Variants in ARHGEF7 observed in about 807,000 individuals in gnomAD.
ARHGEF7 encodes the protein PAK-interacting exchange factor beta.
Under a neutral mutation model 109.8 loss-of-function variants are expected in ARHGEF7, and 33 were observed. The ratio of observed to expected loss-of-function variants is 0.30; its 90% CI spans 0.23 to 0.40. The LOEUF (loss-of-function observed/expected upper bound fraction) is 0.40. ARHGEF7 is among the 10% of genes least tolerant of loss of function. The pLI, the probability that ARHGEF7 is intolerant of heterozygous loss-of-function variation, is 1.00. For missense variants in ARHGEF7, 938 were observed against 1,098.5 expected (o/e 0.85, Z 2.07); for synonymous variants, 458 against 424.6 (o/e 1.08, Z -0.97).
intron 18 of ARHGEF7, among the ~76,000 whole-genome samples, chr13:111,288,665 A>AT (rs11423434): frequency 0.33 from 49,770 of 152,016 alleles, 8,763 homozygotes; most frequent in Non-Finnish European, 0.4. Context: ...TTGCTGTGTG[A>AT]TTTTCTAGAT....
chr13:111,223,978 TC>T (rs1241591790), intron 5 of ARHGEF7, among the ~76,000 whole-genome samples: 2 of 151,582 alleles, frequency 1.3e-5, no homozygotes, highest in Non-Finnish European at 2.9e-5. Flanking sequence ...TACCCCAGCC[TC>T]CCAAGTAGCT....
intron 5 of ARHGEF7, among the ~76,000 whole-genome samples, chr13:111,227,162 G>C (rs984353737): frequency 6.6e-6 from 1 of 152,212 alleles, no homozygotes; most frequent in Non-Finnish European, 1.5e-5. Flanking sequence ...CTGAAGTGCC[G>C]TGAACATTGT....
rs145950688 is a variant in ARHGEF7 at position 111,148,436 on chromosome 13, G to A, written c.166-5469G>A. ...TGTTCTTTGACCTAGCTTGCTACAG[G>A]TACCCATGTACATGTACAGAAATAT... On this transcript the variant is annotated intron_variant, in intron 1 of 21. Coordinates refer to ENST00000646102, the MANE Select transcript of ARHGEF7 (RefSeq NM_001354046.2). Among the ~76,000 whole-genome samples the A allele has an allele frequency of 1.0e-3, 152 of 152,304 alleles. 2 individuals carry two copies. The East Asian group carries it at 0.025, about 25-fold the overall frequency.
rs1260896120 is a variant in ARHGEF7, at chr13:111,258,151, C to CA, written c.951-9396dup. ...CCACAGGCAGTGCAGCCTGCAGCTC[C>CA]AGGAGAGACTCCTCCCACAACCACA... On this transcript the variant is annotated intron_variant, in intron 8 of 21. Transcript: ENST00000646102. This position sits in a 1 kb window ranked among gnomAD's most constrained non-coding sequence, Gnocchi z 4.4. Among the ~76,000 whole-genome samples, 2 of 152,098 alleles carry CA rather than the reference C, an allele frequency of 1.3e-5. No individual in the cohort carries two copies. Among genetic ancestry groups the CA allele is most frequent in the Non-Finnish European group, 2.9e-5 (2 of 67,998 alleles).
intron 19 of ARHGEF7, chr13:111,293,161 T>C: frequency 1.0e-6 from 1 of 985,432 alleles, no homozygotes; most frequent in Non-Finnish European, 1.2e-6. Flanking sequence ...AGCTGAAGCA[T>C]TCAGCCTCTG....
intron 2 of ARHGEF7, chr13:111,182,520 T>C (rs1359379779): frequency 6.6e-6 from 1 of 152,354 alleles, no homozygotes; most frequent in Non-Finnish European, 1.5e-5. Flanking sequence ...TGGCTGGGCC[T>C]CTTAACAATG....
At chr13:111,180,315 G>A (rs1056454057) in intron 2 of ARHGEF7, among the ~76,000 whole-genome samples, 4 of 152,190 alleles carry the variant, frequency 2.6e-5, no homozygotes, top group Admixed American at 1.3e-4. Context: ...CAAAAAATCA[G>A]TCTTTGACTC....
intron 8 of ARHGEF7, among the ~76,000 whole-genome samples, chr13:111,257,960 G>T (rs1356391289): frequency 6.6e-6 from 1 of 152,224 alleles, no homozygotes; most frequent in African/African-American, 2.4e-5. Flanking sequence ...AAAATGACCT[G>T]GGGTTCTAAA....
intron 2 of ARHGEF7, among the ~76,000 whole-genome samples, chr13:111,176,456 C>G (rs1365131287): frequency 6.6e-6 from 1 of 152,208 alleles, no homozygotes; most frequent in African/African-American, 2.4e-5. Flanking sequence ...GCCCCTGGAA[C>G]TTGTGTTTTG....
chr13:111,291,771 A>G (rs552436910), intron 18 of ARHGEF7, among the ~76,000 whole-genome samples: 33 of 152,362 alleles, frequency 2.2e-4, no homozygotes, highest in African/African-American at 7.0e-4. Flanking sequence ...CCACATGTCT[A>G]TAGAATAATC....
At chr13:111,173,739 A>G (rs1049908039) in intron 2 of ARHGEF7, among the ~76,000 whole-genome samples, 2 of 145,114 alleles carry the variant, frequency 1.4e-5, no homozygotes, top group African/African-American at 2.5e-5. Flanking sequence ...TTGAATGGAG[A>G]TGTCTCGTGT....
At chr13:111,218,397 T>G (rs1024255286) in intron 5 of ARHGEF7, among the ~76,000 whole-genome samples, 2 of 152,162 alleles carry the variant, frequency 1.3e-5, no homozygotes, top group Non-Finnish European at 2.9e-5. Context: ...TGTGTTCTTA[T>G]GAAAGAATAG....
intron 13 of ARHGEF7, 99 bp from the exon 14 acceptor site, chr13:111,280,173 C>T: frequency 8.0e-7 from 1 of 1,255,932 alleles, no homozygotes; most frequent in Non-Finnish European, 1.1e-6. Context: ...ACAGTTCCTC[C>T]ACCAATTCTA....
intron 1 of ARHGEF7, among the ~76,000 whole-genome samples, chr13:111,140,286 C>T (rs1220767769): frequency 6.6e-6 from 1 of 152,186 alleles, no homozygotes; most frequent in Non-Finnish European, 1.5e-5. Context: ...GTAAACATCA[C>T]ACAGAAATCA....
At chr13:111,170,754 G>A (rs557901640) in intron 2 of ARHGEF7, among the ~76,000 whole-genome samples, 1 of 152,330 alleles carries the variant, frequency 6.6e-6, no homozygotes, top group South Asian at 2.1e-4. Flanking sequence ...ATGACGGATG[G>A]TGCCCAGGCC....
intron 8 of ARHGEF7, among the ~76,000 whole-genome samples, chr13:111,245,567 C>T (rs563868869): frequency 6.6e-6 from 1 of 152,124 alleles, no homozygotes; most frequent in Non-Finnish European, 1.5e-5. Flanking sequence ...GTAAGAGGAT[C>T]AGCTTCAGTG....
chr13:111,173,082 G>A (rs2077750360), intron 2 of ARHGEF7, among the ~76,000 whole-genome samples: 1 of 152,202 alleles, frequency 6.6e-6, no homozygotes, highest in South Asian at 2.1e-4. Flanking sequence ...ACGTGTTGCT[G>A]TATTTCCTTC....
chr13:111,188,702 A>G (rs1461037075), intron 2 of ARHGEF7, among the ~76,000 whole-genome samples: 1 of 152,248 alleles, frequency 6.6e-6, no homozygotes, highest in Non-Finnish European at 1.5e-5. Context: ...TACTGTGTTG[A>G]TAAGTCTTCC....
chr13:111,265,138 A>AG (rs751777834), intron 8 of ARHGEF7, among the ~76,000 whole-genome samples: 4 of 151,494 alleles, frequency 2.6e-5, no homozygotes, highest in African/African-American at 9.7e-5. Context: ...AAAAAAAAAA[A>AG]AAAAAAAAAG....
Sources: gnomAD v4.1 joint callset for allele counts (sites outside exome capture counted in the v4.1 genomes callset) on GRCh38, gnomAD v4.1.1 for gene constraint, Gnocchi (gnomAD v3.1) non-coding constraint, MANE v1.5 for transcripts, NCBI Gene and HGNC (gene_info 2026-07-23, HGNC 2026-07-21) for gene names.